GRM5: variants seen among roughly 807,000 people sequenced by gnomAD.
GRM5 encodes the protein glutamate metabotropic receptor 5, also known as metabotropic glutamate receptor 5.
GRM5 carries 19 observed loss-of-function variants against 83.1 expected under a neutral mutation model. That is an observed-to-expected ratio of 0.23 (90% confidence interval 0.16 to 0.34). The LOEUF is 0.34. Among genes scored for constraint, GRM5 ranks in the 10% least tolerant of loss-of-function variants. GRM5 has a pLI of 1.00. For missense variants in GRM5, 1,160 were observed against 1,588.3 expected (o/e 0.73, Z 4.58); for synonymous variants, 675 against 633.6 (o/e 1.07, Z -0.98).
chr11:88,659,515 T>G (rs1324905389), intron 3 of GRM5, among the ~76,000 whole-genome samples: 2 of 152,168 alleles, frequency 1.3e-5, no homozygotes, highest in African/African-American at 4.8e-5. Flanking sequence ...GAGAGAAAAA[T>G]GGTAATTATA....
At chr11:88,576,023 G>C (rs996901588) in intron 7 of GRM5, among the ~76,000 whole-genome samples, 1 of 152,072 alleles carries the variant, frequency 6.6e-6, no homozygotes, top group African/African-American at 2.4e-5. Flanking sequence ...GTACTAAAGG[G>C]AAATGTGATC....
At chr11:88,966,120 A>G (rs959764795) in intron 2 of GRM5, among the ~76,000 whole-genome samples, 3 of 152,248 alleles carry the variant, frequency 2.0e-5, no homozygotes, top group Non-Finnish European at 4.4e-5. Flanking sequence ...AAGTACTTGG[A>G]AATTAAACAA....
At chr11:88,736,025 C>T (rs540897296) in intron 3 of GRM5, among the ~76,000 whole-genome samples, 2 of 152,046 alleles carry the variant, frequency 1.3e-5, no homozygotes, top group Admixed American at 6.6e-5. Context: ...CGAAGTTAGA[C>T]AATCATTTGT....
intron 3 of GRM5, among the ~76,000 whole-genome samples, chr11:88,802,153 A>C (rs1943409776): frequency 6.6e-6 from 1 of 152,132 alleles, no homozygotes; most frequent in Non-Finnish European, 1.5e-5. Context: ...TCATGGATCA[A>C]CATTAAAGAG....
At chr11:88,831,557 C>T (rs1943994504) in intron 3 of GRM5, among the ~76,000 whole-genome samples, 1 of 152,174 alleles carries the variant, frequency 6.6e-6, no homozygotes, top group African/African-American at 2.4e-5. Context: ...AGTCACACCC[C>T]ATTCAAGTAT....
chr11:88,533,143 A>G (rs1942054253), intron 8 of GRM5, among the ~76,000 whole-genome samples: 1 of 152,124 alleles, frequency 6.6e-6, no homozygotes, highest in Non-Finnish European at 1.5e-5. Flanking sequence ...CATTTCTCTG[A>G]GTAAATTATG....
At chr11:88,749,816 C>T (rs1194630174) in intron 3 of GRM5, among the ~76,000 whole-genome samples, 1 of 152,064 alleles carries the variant, frequency 6.6e-6, no homozygotes, top group Non-Finnish European at 1.5e-5. Context: ...GAAATTCCAA[C>T]CCAGAGTTTC....
intron 2 of GRM5, among the ~76,000 whole-genome samples, chr11:88,999,746 C>A (rs1306780691): frequency 6.6e-6 from 1 of 152,020 alleles, no homozygotes; most frequent in African/African-American, 2.4e-5. Flanking sequence ...GGGTATATAC[C>A]CGAAGGATCA....
rs550341878 is a variant in GRM5, at chr11:89,022,860, C to A, written c.661+24352G>T. Among the ~76,000 whole-genome samples, 7 of 152,206 alleles carry A rather than the reference C, an allele frequency of 4.6e-5. 1 individual carries two copies. The East Asian group carries it at 1.2e-3, about 25-fold the overall frequency. ...TCATGGGGCTAGAGGAGGGTTCAAG[C>A]AGGAAATGGGTTTTGAACTAGGTCT... On this transcript the variant is annotated intron_variant, in intron 2 of 9. Coordinates refer to ENST00000305447, the MANE Select transcript of GRM5 (RefSeq NM_001143831.3).
At chr11:88,997,939 C>G (rs1024523884) in intron 2 of GRM5, among the ~76,000 whole-genome samples, 5 of 151,862 alleles carry the variant, frequency 3.3e-5, no homozygotes, top group African/African-American at 1.2e-4. Flanking sequence ...GGGAGTACTT[C>G]TCAATATGCT....
chr11:88,521,182 C>A (rs1271404352), intron 9 of GRM5, among the ~76,000 whole-genome samples: 1 of 152,034 alleles, frequency 6.6e-6, no homozygotes, highest in Non-Finnish European at 1.5e-5. Context: ...TTTTGGGAGG[C>A]CTAGGTGGGT....
At chr11:88,930,506 C>T (rs1937668892) in intron 2 of GRM5, among the ~76,000 whole-genome samples, 1 of 152,086 alleles carries the variant, frequency 6.6e-6, no homozygotes, top group Non-Finnish European at 1.5e-5. Context: ...TCAAATACAA[C>T]TTTACCTCAT....
chr11:88,725,698 C>T (rs1006084649), intron 3 of GRM5, among the ~76,000 whole-genome samples: 1 of 152,144 alleles, frequency 6.6e-6, no homozygotes, highest in African/African-American at 2.4e-5. Context: ...AAACAGGCAG[C>T]AATTTTTCCT....
At chr11:88,993,877 A>G (rs1940081004) in intron 2 of GRM5, among the ~76,000 whole-genome samples, 2 of 152,122 alleles carry the variant, frequency 1.3e-5, no homozygotes, top group Admixed American at 1.3e-4. Context: ...TTGAGCCACC[A>G]TACCCAACTA....
chr11:88,715,871 G>C (rs1457886765), intron 3 of GRM5, among the ~76,000 whole-genome samples: 3 of 151,894 alleles, frequency 2.0e-5, no homozygotes, highest in Non-Finnish European at 4.4e-5. Context: ...CATGGTGTTT[G>C]CTGAAAGAAC....
In GRM5 at chr11:88,567,473, T is replaced by C. The variant is rs1173256127; in HGVS notation, c.2210A>G (p.Asn737Ser). The change falls in exon 8 of 10, where the codon AAC (asparagine) becomes AGC (serine). Residue 737 changes from asparagine (N) to serine (S), a missense_variant. This residue lies in a region of GRM5 where 44 missense variants were observed against 41.0 expected (regional missense o/e 1.07). Coordinates refer to ENST00000305447, the MANE Select transcript of GRM5 (RefSeq NM_001143831.3). This position sits in a 1 kb window ranked among gnomAD's most constrained non-coding sequence, Gnocchi z 7.3. ...TCCAAGTGGAGTGACAACTCCTAGG[T>C]TGGTGGTGTTACAGATCAGGTAGAC... ...REVYLICNTT[N>S]LGVVTPLGYN... 6.2e-7 allele frequency: 1 copy of C among 1,613,814 alleles called. No individual in the cohort carries two copies.
intron 2 of GRM5, among the ~76,000 whole-genome samples, chr11:88,883,871 G>T (rs1313579448): frequency 1.3e-5 from 2 of 152,164 alleles, no homozygotes; most frequent in Admixed American, 6.5e-5. Flanking sequence ...CAGAAGTCAA[G>T]AATTGAGGTT....
intron 2 of GRM5, among the ~76,000 whole-genome samples, chr11:89,000,210 C>G (rs564501032): frequency 2.0e-5 from 3 of 152,190 alleles, no homozygotes; most frequent in Admixed American, 2.0e-4. Flanking sequence ...GCATGTTGTG[C>G]ACACGTACCC....
chr11:88,816,759 A>AG (rs2135504298), intron 3 of GRM5, among the ~76,000 whole-genome samples: 1 of 150,564 alleles, frequency 6.6e-6, no homozygotes, highest in African/African-American at 2.4e-5. Flanking sequence ...AAAAAAAAAA[A>AG]AAGGAAAGAA....
Sources: allele counts gnomAD v4.1 joint callset (sites outside exome capture counted in the v4.1 genomes callset), GRCh38; gene constraint gnomAD v4.1.1; regional missense constraint gnomAD v4.1.1; non-coding constraint Gnocchi (gnomAD v3.1); transcripts MANE v1.5; gene names NCBI Gene and HGNC (gene_info 2026-07-23, HGNC 2026-07-21).